Variants in PCDHGA5 observed in about 807,000 individuals in gnomAD.
PCDHGA5 encodes protocadherin gamma subfamily A, 5, also known as protocadherin gamma-A5.
Under a neutral mutation model 56.7 loss-of-function variants are expected in PCDHGA5, and 36 were observed. That is an observed-to-expected ratio of 0.64 (90% CI 0.49 to 0.84). The LOEUF (loss-of-function observed/expected upper bound fraction) is 0.84, where lower values mean the gene tolerates loss of function less well. Ranked by LOEUF, PCDHGA5 falls within the 40% of genes least tolerant of loss-of-function variation. The pLI is 0.00. For missense variants in PCDHGA5, 1,305 were observed against 1,201.5 expected, an observed-to-expected ratio of 1.09 and a Z score of -1.27; for synonymous variants, 563 against 520.2, an observed-to-expected ratio of 1.08 and a Z score of -1.12.
intron 1 of PCDHGA5, chr5:141,398,164 AG>A (rs970849138): frequency 6.8e-7 from 1 of 1,481,390 alleles, no homozygotes; most frequent in African/African-American, 1.4e-5. Context: ...CCGGGCTGAG[AG>A]GCTGCCAGTG....
At chr5:141,429,613 G>A (rs1374650357) in intron 1 of PCDHGA5, among the ~76,000 whole-genome samples, 2 of 152,084 alleles carry the variant, frequency 1.3e-5, no homozygotes, top group African/African-American at 2.4e-5. Flanking sequence ...TCAATTTTAT[G>A]TCTGATATTT....
intron 1 of PCDHGA5, chr5:141,371,218 C>G: frequency 1.2e-6 from 2 of 1,613,994 alleles, no homozygotes; most frequent in Non-Finnish European, 1.7e-6. Flanking sequence ...GGCATCAATG[C>G]CGAAATCATC....
Position 141,364,224 on chromosome 5 carries a change from C to T in PCDHGA5, c.-107C>T, listed in dbSNP as rs538812851. The T allele has an allele frequency of 2.1e-5, 29 of 1,356,016 alleles. No individual in the cohort carries two copies. Among genetic ancestry groups the T allele is most frequent in the Admixed American group, 6.0e-5 (2 of 33,140 alleles). 84.0% of individuals were successfully genotyped at this position (1,356,016 alleles called of 1,614,324 possible). The stretch of plus-strand genomic sequence containing the variant: ...CAGACAAGCTCCTACGAAAAGCCAA[C>T]GCTCCACGCCCATTTTCGTCAGGGA... On this transcript the variant is annotated 5_prime_UTR_variant, in exon 1 of 4. It adds an upstream start codon to the 5' untranslated region. Transcript: ENST00000518069.
In PCDHGA5 at chr5:141,432,927, G is replaced by T. The variant is rs774982939; in HGVS notation, c.2422-61880G>T. ...AGGCTGCGGCGCTGGCACAAGTCAC[G>T]CCTGCTGCAGGCTTCAGGAGGCGGC... is the stretch of plus-strand genomic sequence containing the variant. On this transcript the variant is annotated intron_variant, in intron 1 of 3. Coordinates refer to ENST00000518069, the MANE Select transcript of PCDHGA5 (RefSeq NM_018918.3). This position sits in a 1 kb window ranked among gnomAD's most constrained non-coding sequence, Gnocchi z 6.0. 1.9e-6 allele frequency: 3 copies of T among 1,614,162 alleles called. No homozygotes were observed. In the Admixed American group the frequency reaches 5.0e-5, roughly 27 times the overall value.
At chr5:141,374,556 A>G in intron 1 of PCDHGA5, 3 of 1,613,690 alleles carry the variant, frequency 1.9e-6, no homozygotes, top group Non-Finnish European at 1.7e-6. Context: ...ATGGAGGTCT[A>G]TGACCCTGAT....
intron 1 of PCDHGA5, chr5:141,389,882 G>A: frequency 6.2e-7 from 1 of 1,614,082 alleles, no homozygotes; most frequent in Non-Finnish European, 8.5e-7. Flanking sequence ...CCGACAGCTT[G>A]CAGGAGGTGC....
At chr5:141,368,154 C>CTGTAT (rs1765511938) in intron 1 of PCDHGA5, among the ~76,000 whole-genome samples, 3 of 152,024 alleles carry the variant, frequency 2.0e-5, no homozygotes, top group Admixed American at 6.6e-5. Flanking sequence ...CTTTTAAAAC[C>CTGTAT]TTGAGCATCA....
intron 1 of PCDHGA5, among the ~76,000 whole-genome samples, chr5:141,460,252 A>T (rs1342135416): frequency 6.6e-6 from 1 of 151,974 alleles, no homozygotes; most frequent in African/African-American, 2.4e-5. Flanking sequence ...AATTTTGATA[A>T]AGCCCAATTT....
At position 141,487,074 on chromosome 5, in the gene PCDHGA5, T is replaced by C; in HGVS notation, c.2422-7733T>C. The C allele has an allele frequency of 6.2e-7, 1 of 1,614,104 alleles. No homozygotes were observed. The highest frequency in any genetic ancestry group is 8.5e-7 in the Non-Finnish European group (1 of 1,179,978). Reference sequence around the variant, plus strand: ...GGGGAGGTGCGGACGGCTGTTCCTATCCCAGCTGACCTCCCACCACAGAAG... The same window carrying C: ...GGGGAGGTGCGGACGGCTGTTCCTACCCCAGCTGACCTCCCACCACAGAAG... On this transcript the variant is annotated intron_variant, in intron 1 of 3. Transcript: ENST00000518069. The surrounding 1 kb of genome is among the most constrained non-coding windows in gnomAD (Gnocchi z 5.0).
chr5:141,372,932 G>A (rs3806834), intron 1 of PCDHGA5: 35,987 of 882,390 alleles, frequency 0.041, 1,563 homozygotes, highest in Admixed American at 0.21. Flanking sequence ...TTCTGGTGTA[G>A]AGTAGGGTGT....
chr5:141,413,385 A>C, intron 1 of PCDHGA5: 1 of 1,613,990 alleles, frequency 6.2e-7, no homozygotes, highest in South Asian at 1.1e-5. Flanking sequence ...GAGTCCGCAT[A>C]GTCTCCAGAG....
chr5:141,511,002 C>T lies in PCDHGA5; in HGVS notation c.2625C>T (p.Ser875=), dbSNP rs143630962. 77 of 1,614,140 alleles carry T rather than the reference C, an allele frequency of 4.8e-5. No individual in the cohort carries two copies. Among genetic ancestry groups the T allele is most frequent in the South Asian group, 2.1e-4 (19 of 91,080 alleles). ...GGGGTGCCGGCACCATGGGATTGAG[C>T]GCCCGCTACGGACCCCAGTTCACCC... The part of the protein sequence containing the change: ...LGGGAGTMGL[S]ARYGPQFTLQ... Residue 875 remains serine (S), a synonymous_variant, in exon 4 of 4, where the codon AGC becomes AGT. Coordinates refer to ENST00000518069, the MANE Select transcript of PCDHGA5 (RefSeq NM_018918.3).
At chr5:141,413,124 AAC>A in intron 1 of PCDHGA5, 2 of 1,528,020 alleles carry the variant, frequency 1.3e-6, no homozygotes, top group Non-Finnish European at 1.8e-6. Flanking sequence ...AACCGGTTGA[AAC>A]ACACAACGTG....
chr5:141,372,735 C>T, intron 1 of PCDHGA5: 1 of 1,613,346 alleles, frequency 6.2e-7, no homozygotes, highest in African/African-American at 1.3e-5. Flanking sequence ...ACAAGATCTT[C>T]TATGTGATGA....
intron 1 of PCDHGA5, among the ~76,000 whole-genome samples, chr5:141,461,001 A>C (rs1309762345): frequency 6.7e-6 from 1 of 150,320 alleles, no homozygotes; most frequent in Admixed American, 6.7e-5. Context: ...ATATATGTGT[A>C]TATATATATA....
chr5:141,460,951 G>GTA (rs200454978), intron 1 of PCDHGA5, among the ~76,000 whole-genome samples: 2,366 of 139,742 alleles, frequency 0.017, 20 homozygotes, highest in Middle Eastern at 0.037. Flanking sequence ...TATGTATTAT[G>GTA]TATATATATA....
At position 141,490,558 on chromosome 5, in the gene PCDHGA5, A is replaced by G. The variant is rs765890709; in HGVS notation, c.2422-4249A>G. 3.1e-5 allele frequency: 50 copies of G among 1,614,042 alleles called. No individual in the cohort carries two copies. The East Asian group carries it at 1.0e-3, about 34-fold the overall frequency. ...ACCTTCCCTACACAAACATCTCACC[A>G]TCAGGCTCAACATTTCAGATGTCAA... On this transcript the variant is annotated intron_variant, in intron 1 of 3. Transcript: ENST00000518069. This position sits in a 1 kb window ranked among gnomAD's most constrained non-coding sequence, Gnocchi z 5.4.
rs372202008 is a variant in PCDHGA5, at chr5:141,404,550, C to T, written c.2421+37799C>T. The stretch of plus-strand genomic sequence containing the variant: ...TTTAGAGATTTGCAAATGCAGGTGA[C>T]GGCAAGTGACAGTGGAAGCCCACCA... On this transcript the variant is annotated intron_variant, in intron 1 of 3. Coordinates refer to ENST00000518069, the MANE Select transcript of PCDHGA5 (RefSeq NM_018918.3). The T allele has an allele frequency of 2.8e-4, 448 of 1,613,648 alleles. 1 individual carries two copies. The highest frequency in any genetic ancestry group is 9.8e-4 in the South Asian group (89 of 91,080).
At chr5:141,449,537 C>A (rs1377909573) in intron 1 of PCDHGA5, among the ~76,000 whole-genome samples, 1 of 146,334 alleles carries the variant, frequency 6.8e-6, no homozygotes, top group Non-Finnish European at 1.5e-5. Flanking sequence ...TGCAGTGAGC[C>A]GAGATCGCAC....
Sources: allele counts gnomAD v4.1 joint callset (sites outside exome capture counted in the v4.1 genomes callset), GRCh38; gene constraint gnomAD v4.1.1; non-coding constraint Gnocchi (gnomAD v3.1); transcripts MANE v1.5; gene names NCBI Gene and HGNC (gene_info 2026-07-23, HGNC 2026-07-21).